The following RGSL1 variants were observed in gnomAD, a reference collection of about 807,000 sequenced individuals.
The protein encoded by RGSL1 is regulator of G protein signaling protein-like.
Under a neutral mutation model 124.7 loss-of-function variants are expected in RGSL1, and 97 were observed. The ratio of observed to expected loss-of-function variants is 0.78; its 90% CI spans 0.66 to 0.92. The LOEUF (loss-of-function observed/expected upper bound fraction) is 0.92, where lower values mean the gene tolerates loss of function less well. Ranked by LOEUF, RGSL1 falls within the 40% of genes least tolerant of loss-of-function variation. The pLI, the probability that RGSL1 is intolerant of heterozygous loss-of-function variation, is 0.00. For synonymous variants in RGSL1, 424 were observed against 438.1 expected, an observed-to-expected ratio of 0.97 and a Z score of 0.40; for missense variants, 1,233 against 1,288.4, an observed-to-expected ratio of 0.96 and a Z score of 0.66.
intron 2 of RGSL1, among the ~76,000 whole-genome samples, chr1:182,454,620 GT>G (rs1403214628): frequency 2.1e-5 from 3 of 143,374 alleles, no homozygotes; most frequent in Non-Finnish European, 3.1e-5. Flanking sequence ...GTGTGTGTGT[GT>G]GTGTGGCCCC....
chr1:182,519,748 A>G (rs1658186873), intron 9 of RGSL1, among the ~76,000 whole-genome samples: 1 of 151,066 alleles, frequency 6.6e-6, no homozygotes, highest in African/African-American at 2.4e-5. Flanking sequence ...TGTATTTTTC[A>G]TTTTTCCCCC....
chr1:182,534,655 T>C (rs1281218176), intron 14 of RGSL1, among the ~76,000 whole-genome samples: 1 of 151,992 alleles, frequency 6.6e-6, no homozygotes, highest in Non-Finnish European at 1.5e-5. Context: ...TGGTGAAACT[T>C]CATCTCTACT....
chr1:182,479,431 TA>T (rs1474886509), intron 6 of RGSL1, among the ~76,000 whole-genome samples: 1 of 152,158 alleles, frequency 6.6e-6, no homozygotes, highest in Non-Finnish European at 1.5e-5. Context: ...GTTATCAGCT[TA>T]AAACAGATTT....
At chr1:182,515,692 A>G (rs1558356864) in intron 9 of RGSL1, among the ~76,000 whole-genome samples, 1 of 152,218 alleles carries the variant, frequency 6.6e-6, no homozygotes. Context: ...CCGGCACGGC[A>G]AACAGGAGGC....
Position 182,553,434 on chromosome 1 carries a change from CT to C in RGSL1, c.3044-19del. ...GGAGTTGTCGCAGGTGTTTTTAATG[CT>C]TGTTTTTGTCCTTCCCCAGGAGACA... On this transcript the variant is annotated intron_variant, in intron 18 of 21. Coordinates refer to ENST00000294854, the MANE Select transcript of RGSL1 (RefSeq NM_001137669.2). The C allele has an allele frequency of 6.5e-7, 1 of 1,547,032 alleles. No homozygotes were observed. The highest frequency in any genetic ancestry group is 8.7e-7 in the Non-Finnish European group (1 of 1,143,244).
chr1:182,471,491 A>C (rs1653838457), intron 4 of RGSL1: 1 of 379,906 alleles, frequency 2.6e-6, no homozygotes, highest in Non-Finnish European at 5.3e-6. Context: ...GAATATAAAC[A>C]TGTTTAATAA....
chr1:182,551,280 A>G (rs1660546492), intron 18 of RGSL1, 71 bp downstream of exon 18: 2 of 1,285,114 alleles, frequency 1.6e-6, no homozygotes, highest in South Asian at 2.6e-5. Flanking sequence ...CAAGGGCCCA[A>G]GGGGCCAAAT....
At chr1:182,541,387 C>T (rs910637585) in intron 15 of RGSL1, among the ~76,000 whole-genome samples, 1 of 152,174 alleles carries the variant, frequency 6.6e-6, no homozygotes, top group Non-Finnish European at 1.5e-5. Flanking sequence ...ACCCATGTTG[C>T]TGCAAATGAC....
rs1388698588 is a variant in RGSL1, at chr1:182,540,419, GAAGT to G, written c.2669+3_2669+6del. 4 of 1,549,692 alleles carry G rather than the reference GAAGT, an allele frequency of 2.6e-6. No individual in the cohort carries two copies. The highest frequency in any genetic ancestry group is 3.5e-6 in the Non-Finnish European group (4 of 1,145,976). On this transcript the variant is annotated splice_donor_variant and coding_sequence_variant, in exon 15 of 22. Coordinates refer to ENST00000294854, the MANE Select transcript of RGSL1 (RefSeq NM_001137669.2). LOFTEE classifies it high-confidence loss of function. ...ATCTATATTTCTTTTCTGAAATGGA[GAAGT>G]AAGTTTTCCACTTCTCCTTCTTCTG...
intron 11 of RGSL1, among the ~76,000 whole-genome samples, chr1:182,528,163 T>TA (rs1460491525): frequency 1.3e-5 from 2 of 152,008 alleles, no homozygotes; most frequent in African/African-American, 4.8e-5. Context: ...AAGCCCCTTG[T>TA]AAAATCATCA....
At chr1:182,456,765 A>G (rs1338547010) in intron 2 of RGSL1, among the ~76,000 whole-genome samples, 3 of 152,246 alleles carry the variant, frequency 2.0e-5, no homozygotes, top group African/African-American at 4.8e-5. Flanking sequence ...AGACAGCAGT[A>G]GTAGTTCATG....
At position 182,464,944 on chromosome 1, in the gene RGSL1, C is replaced by A. The variant is rs1372447755; in HGVS notation, c.301+4811C>A. 3.3e-5 allele frequency among the ~76,000 whole-genome samples: 5 copies of A among 151,720 alleles called. No individual in the cohort carries two copies. The East Asian group carries it at 7.7e-4, about 23-fold the overall frequency. On this transcript the variant is annotated intron_variant, in intron 4 of 21. Coordinates refer to ENST00000294854, the MANE Select transcript of RGSL1 (RefSeq NM_001137669.2). ...TTCACAAAAAATAAAAATAAAAAAT[C>A]CAGACAGGTGTCATGCACCTATAGT...
At chr1:182,545,599 A>T (rs1202867753) in intron 15 of RGSL1, among the ~76,000 whole-genome samples, 2 of 152,202 alleles carry the variant, frequency 1.3e-5, no homozygotes, top group East Asian at 3.8e-4. Context: ...TCTGTTGGTC[A>T]TGAATTCTCT....
intron 8 of RGSL1, among the ~76,000 whole-genome samples, chr1:182,490,045 T>C (rs925175457): frequency 9.2e-5 from 14 of 152,192 alleles, no homozygotes; most frequent in African/African-American, 2.9e-4. Context: ...TGTGCACATA[T>C]ATATGAAAAA....
chr1:182,515,240 G>GGAGCATGGTCTC (rs1330055588), intron 9 of RGSL1, among the ~76,000 whole-genome samples: 1 of 152,156 alleles, frequency 6.6e-6, no homozygotes, highest in Non-Finnish European at 1.5e-5. Context: ...TCTATGCCAT[G>GGAGCATGGTCTC]GAGCATGGTC....
intron 4 of RGSL1, among the ~76,000 whole-genome samples, chr1:182,461,013 T>C (rs1652787297): frequency 6.6e-6 from 1 of 152,198 alleles, no homozygotes; most frequent in Admixed American, 6.5e-5. Context: ...ATCACAGAAG[T>C]ACAGGCAAAG....
At chr1:182,516,188 A>G (rs547129031) in intron 9 of RGSL1, among the ~76,000 whole-genome samples, 4 of 152,272 alleles carry the variant, frequency 2.6e-5, no homozygotes, top group African/African-American at 9.6e-5. Flanking sequence ...GGAAAGAGAG[A>G]GGTGGCAGGC....
chr1:182,482,514 C>A (rs1054435483), intron 6 of RGSL1, among the ~76,000 whole-genome samples: 2 of 152,124 alleles, frequency 1.3e-5, no homozygotes, highest in African/African-American at 4.8e-5. Context: ...TGTAGATAAC[C>A]CTAAAATTAC....
At position 182,489,106 on chromosome 1, in the gene RGSL1, G is replaced by C; in HGVS notation, c.1621G>C (p.Glu541Gln). 6.4e-7 allele frequency: 1 copy of C among 1,551,674 alleles called. No homozygotes were observed. Among genetic ancestry groups the C allele is most frequent in the Non-Finnish European group, 8.7e-7 (1 of 1,146,992 alleles). ...AAGCCAGGCTTTGGCTGACATGAAG[G>C]AAATGGACTATAGGCAGTGGCGAAA... ...ELSQALADMK[E>Q]MDYRQWRKIA... The change falls in exon 8 of 22, where the codon GAA becomes CAA. Residue 541 changes from glutamate to glutamine, a missense_variant. Transcript: ENST00000294854.
Sources: gnomAD v4.1 joint callset for allele counts (sites outside exome capture counted in the v4.1 genomes callset) on GRCh38, gnomAD v4.1.1 for gene constraint, MANE v1.5 for transcripts, NCBI Gene and HGNC (gene_info 2026-07-23, HGNC 2026-07-21) for gene names.